Variants in EP300 observed in about 807,000 individuals in gnomAD.
EP300 encodes the protein EP300 lysine acetyltransferase, also known as histone acetyltransferase p300.
EP300 carries 31 observed loss-of-function variants against 264.0 expected under a neutral mutation model. The observed-to-expected ratio is 0.12, with a 90% confidence interval of 0.09 to 0.16. The LOEUF (loss-of-function observed/expected upper bound fraction) is 0.16. Ranked by LOEUF, EP300 falls within the 10% of genes least tolerant of loss-of-function variation. The pLI, the probability that EP300 is intolerant of heterozygous loss-of-function variation, is 1.00. For synonymous variants in EP300, 1,340 were observed against 1,045.4 expected (o/e 1.28, Z -5.44); for missense variants, 2,766 against 3,052.9 (o/e 0.91, Z 2.21).
intron 4 of EP300, 106 bp downstream of exon 4, chr22:41,127,854 T>G (rs2058892018): frequency 7.1e-7 from 1 of 1,402,990 alleles, no homozygotes; most frequent in South Asian, 1.2e-5. Context: ...TTTAATACCT[T>G]AATTGTGGTG....
At chr22:41,100,205 C>G (rs140344626) in intron 1 of EP300, among the ~76,000 whole-genome samples, 21 of 152,274 alleles carry the variant, frequency 1.4e-4, no homozygotes, top group Non-Finnish European at 2.6e-4. Context: ...ACTGTACACT[C>G]CAGCCTAGGT....
chr22:41,122,862 A>T (rs1470247867), intron 2 of EP300, among the ~76,000 whole-genome samples: 1 of 152,016 alleles, frequency 6.6e-6, no homozygotes, highest in Non-Finnish European at 1.5e-5. Context: ...CCTGGGCAAC[A>T]TCTCTACAAA....
Position 41,145,901 on chromosome 22 carries a change from C to T in EP300, c.2054-838C>T, listed in dbSNP as rs576013035. 7.6e-4 allele frequency among the ~76,000 whole-genome samples: 116 copies of T among 152,168 alleles called. 1 individual carries two copies. The highest frequency in any genetic ancestry group is 2.8e-3 in the African/African-American group (116 of 41,526). The stretch of plus-strand genomic sequence containing the variant: ...CCGCCCGCCTCGGCCTCCCAAAGTG[C>T]TGGGATTACAGGATATTTTATTTTT... On this transcript the variant is annotated intron_variant, in intron 10 of 30. Coordinates refer to ENST00000263253, the MANE Select transcript of EP300 (RefSeq NM_001429.4).
At chr22:41,108,843 G>T (rs2058772747) in intron 1 of EP300, among the ~76,000 whole-genome samples, 1 of 152,130 alleles carries the variant, frequency 6.6e-6, no homozygotes, top group African/African-American at 2.4e-5. Flanking sequence ...AGTCATTTGT[G>T]ATACTGTTTT....
intron 20 of EP300, 126 bp from the exon 21 acceptor site, chr22:41,162,597 T>A: frequency 2.8e-6 from 2 of 725,730 alleles, no homozygotes; most frequent in Non-Finnish European, 4.9e-6. Context: ...AATACACCTA[T>A]TTAAATGTGT....
chr22:41,172,336 T>G (rs2059175446), intron 27 of EP300, among the ~76,000 whole-genome samples, 163 bp from the exon 28 acceptor site: 1 of 152,180 alleles, frequency 6.6e-6, no homozygotes, highest in South Asian at 2.1e-4. Flanking sequence ...TTTTCACTAT[T>G]TATTTTTCTA....
intron 10 of EP300, among the ~76,000 whole-genome samples, chr22:41,142,614 G>A (rs865885470): frequency 1.3e-5 from 2 of 152,100 alleles, no homozygotes; most frequent in Non-Finnish European, 2.9e-5. Context: ...GGCTGGGTGC[G>A]GTGGTTCATG....
intron 1 of EP300, among the ~76,000 whole-genome samples, chr22:41,097,300 A>T (rs1330145702): frequency 6.6e-6 from 1 of 152,338 alleles, no homozygotes; most frequent in Non-Finnish European, 1.5e-5. Flanking sequence ...TTATTCCAGC[A>T]GGAGTTCATC....
rs775547353 is a variant in EP300, at chr22:41,149,088, C to T, written c.2292C>T (p.Phe764=). The T allele has an allele frequency of 6.2e-7, 1 of 1,613,096 alleles. No homozygotes were observed. Among genetic ancestry groups the T allele is most frequent in the Non-Finnish European group, 8.5e-7 (1 of 1,179,852 alleles). The change falls in exon 13 of 31, where the codon TTC becomes TTT. Residue 764 remains phenylalanine, a synonymous_variant. Transcript: ENST00000263253. ...RMQQPSNQGQ[F]LPQTQFPSQG... The stretch of plus-strand genomic sequence containing the variant: ...AACAGCCTTCCAACCAGGGCCAGTT[C>T]CTTCCTCAGACTCAGTTCCCATCAC...
intron 10 of EP300, among the ~76,000 whole-genome samples, chr22:41,142,636 A>G (rs2058989319): frequency 6.6e-6 from 1 of 152,236 alleles, no homozygotes; most frequent in Non-Finnish European, 1.5e-5. Flanking sequence ...CTGTACTCCC[A>G]GCACTTTGGG....
At chr22:41,148,648 T>A (rs997329529) in intron 12 of EP300, among the ~76,000 whole-genome samples, 1 of 152,234 alleles carries the variant, frequency 6.6e-6, no homozygotes, top group African/African-American at 2.4e-5. Context: ...TTTTACATAT[T>A]ATGGGTCTTA....
intron 17 of EP300, 75 bp from the exon 18 acceptor site, chr22:41,157,091 CAAT>C (rs2059081472): frequency 3.2e-6 from 5 of 1,579,804 alleles, no homozygotes; most frequent in Admixed American, 1.7e-5. Flanking sequence ...GGAAAATTAA[CAAT>C]GATAATGGAT....
At chr22:41,102,829 A>G (rs1034040627) in intron 1 of EP300, among the ~76,000 whole-genome samples, 2 of 152,130 alleles carry the variant, frequency 1.3e-5, no homozygotes, top group Admixed American at 1.3e-4. Context: ...TTAAAGTTTG[A>G]GCAACTTGTT....
At chr22:41,134,976 C>A (rs182518151) in intron 6 of EP300, among the ~76,000 whole-genome samples, 1 of 151,948 alleles carries the variant, frequency 6.6e-6, no homozygotes, top group Non-Finnish European at 1.5e-5. Context: ...GGCGCCATCT[C>A]GGCTCACTGC....
intron 1 of EP300, among the ~76,000 whole-genome samples, chr22:41,107,422 TAAA>T (rs35343837): frequency 6.8e-5 from 10 of 147,444 alleles, no homozygotes; most frequent in Admixed American, 1.3e-4. Context: ...GCCTTTTAAG[TAAA>T]AAAAAAAAAA....
intron 22 of EP300, among the ~76,000 whole-genome samples, chr22:41,165,694 A>ATTACAG (rs1173075245): frequency 1.3e-5 from 2 of 152,130 alleles, no homozygotes; most frequent in African/African-American, 4.8e-5. Context: ...AAGTGCTGGG[A>ATTACAG]TTACAGCATG....
At chr22:41,126,144 C>A in intron 3 of EP300, 104 bp downstream of exon 3, 1 of 1,172,174 alleles carries the variant, frequency 8.5e-7, no homozygotes, top group Non-Finnish European at 1.3e-6. Flanking sequence ...TTTGTACCCA[C>A]TAGGAGCCTA....
chr22:41,131,679 A>C (rs768949840), intron 6 of EP300, 46 bp downstream of exon 6: 7 of 1,613,238 alleles, frequency 4.3e-6, no homozygotes, highest in Non-Finnish European at 5.9e-6. Flanking sequence ...TGTGTCAGTA[A>C]ATGACATCTA....
rs375241990 is a variant in EP300 at position 41,178,269 on chromosome 22, G to T, written c.6558G>T (p.Gln2186His). 1.9e-6 allele frequency: 3 copies of T among 1,613,918 alleles called. No homozygotes were observed. Among genetic ancestry groups the T allele is most frequent in the Non-Finnish European group, 2.5e-6 (3 of 1,180,014 alleles). Residue 2186 changes from glutamine to histidine, a missense_variant, in exon 31 of 31, where the codon CAG becomes CAT. By Grantham distance (24) the Gln-to-His change is conservative. Coordinates refer to ENST00000263253, the MANE Select transcript of EP300 (RefSeq NM_001429.4). The part of the protein sequence containing the change: ...PSQFRDILRR[Q>H]QMMQQQQQQG... ...AATTCCGAGACATCTTGAGACGACAGCAAATGATGCAACAGCAGCAGCAAC... is the reference window on the plus strand; with the variant it reads ...AATTCCGAGACATCTTGAGACGACATCAAATGATGCAACAGCAGCAGCAAC...
Sources: gnomAD v4.1 joint callset for allele counts (sites outside exome capture counted in the v4.1 genomes callset) on GRCh38, gnomAD v4.1.1 for gene constraint, MANE v1.5 for transcripts, NCBI Gene and HGNC (gene_info 2026-07-23, HGNC 2026-07-21) for gene names.